CCDC191: variants seen among roughly 807,000 people sequenced by gnomAD.
The protein encoded by CCDC191 is coiled-coil domain containing 191.
CCDC191 carries 99 observed loss-of-function variants against 114.0 expected under a neutral mutation model. That is an observed-to-expected ratio of 0.87 (90% CI 0.74 to 1.03). CCDC191 has a LOEUF of 1.03. Among genes scored for constraint, CCDC191 ranks in the 50% least tolerant of loss-of-function variants. CCDC191 has a pLI of 0.00. For synonymous variants in CCDC191, 351 were observed against 376.0 expected (o/e 0.93, Z 0.77); for missense variants, 973 against 1,087.0 (o/e 0.90, Z 1.47).
At chr3:114,027,601 C>CAAAAAA (rs67548547) in intron 7 of CCDC191, among the ~76,000 whole-genome samples, 5 of 60,108 alleles carry the variant, frequency 8.3e-5, no homozygotes, top group African/African-American at 2.1e-4. Flanking sequence ...GACTCTGTCT[C>CAAAAAA]AAAAAAAAAA....
At chr3:113,991,134 G>A (rs2075546410) in intron 13 of CCDC191, among the ~76,000 whole-genome samples, 1 of 151,326 alleles carries the variant, frequency 6.6e-6, no homozygotes, top group South Asian at 2.1e-4. Context: ...TACTCAGGAG[G>A]CCAAGGCAGG....
intron 9 of CCDC191, among the ~76,000 whole-genome samples, chr3:114,009,849 A>G (rs536405019): frequency 6.6e-6 from 1 of 152,328 alleles, no homozygotes; most frequent in African/African-American, 2.4e-5. Context: ...AAATTCCAGT[A>G]ATACAGGAGC....
intron 8 of CCDC191, 93 bp from the exon 9 acceptor site, chr3:114,011,114 G>A: frequency 7.4e-7 from 1 of 1,352,522 alleles, no homozygotes; most frequent in African/African-American, 1.5e-5. Context: ...AAGGGTTCTA[G>A]AAATGCTCCA....
At chr3:113,974,192 T>A (rs918252553) in intron 16 of CCDC191, among the ~76,000 whole-genome samples, 1 of 152,178 alleles carries the variant, frequency 6.6e-6, no homozygotes, top group African/African-American at 2.4e-5. Context: ...ATCTTGAAGA[T>A]CACTGGGTTT....
At chr3:114,002,002 T>A (rs2075864739) in intron 12 of CCDC191, among the ~76,000 whole-genome samples, 2 of 152,158 alleles carry the variant, frequency 1.3e-5, no homozygotes, top group Admixed American at 1.3e-4. Context: ...AACTCCAAGT[T>A]AGAAACAGTT....
chr3:114,028,486 C>T (rs1054517540), intron 7 of CCDC191, among the ~76,000 whole-genome samples: 6 of 151,756 alleles, frequency 4.0e-5, no homozygotes, highest in African/African-American at 1.2e-4. Flanking sequence ...GGGGTTTCAC[C>T]GTGTTAGCCA....
chr3:113,983,919 T>G (rs2075264175), intron 13 of CCDC191: 1 of 152,124 alleles, frequency 6.6e-6, no homozygotes. Context: ...AGAGGTTAGA[T>G]TATTATTTTC....
chr3:114,017,199 G>C (rs1256196450), intron 8 of CCDC191, among the ~76,000 whole-genome samples: 1 of 149,584 alleles, frequency 6.7e-6, no homozygotes, highest in Non-Finnish European at 1.5e-5. Context: ...CCACATGCTT[G>C]ATAATCTCCA....
At chr3:114,001,475 G>T in intron 13 of CCDC191, 120 bp downstream of exon 13, 1 of 1,341,546 alleles carries the variant, frequency 7.5e-7, no homozygotes, top group Non-Finnish European at 1.0e-6. Context: ...GAGAAAAGAA[G>T]TGAGGGTGAG....
At position 114,005,608 on chromosome 3, in the gene CCDC191, G is replaced by A. The variant is rs772492371; in HGVS notation, c.1768C>T (p.Gln590Ter). The A allele has an allele frequency of 3.7e-6, 6 of 1,614,148 alleles. No individual in the cohort carries two copies. In the South Asian group the frequency reaches 4.4e-5, roughly 12 times the overall value. ...LKKNLQLAEA[Q>*]WAAEHALAVT... ...GCTAAGGCATGCTCTGCTGCCCACT[G>A]AGCCTCTGCCAGCTGCAGGTTTTTC... is the stretch of plus-strand genomic sequence containing the variant. Residue 590 changes from glutamine to a stop codon, truncating the protein, a stop_gained, in exon 10 of 17, where the codon CAG (glutamine) becomes TAG (stop). Transcript: ENST00000295878. LOFTEE classifies it high-confidence loss of function.
intron 16 of CCDC191, among the ~76,000 whole-genome samples, chr3:113,967,679 A>G (rs1002709390): frequency 2.0e-5 from 3 of 152,188 alleles, no homozygotes; most frequent in Non-Finnish European, 2.9e-5. Context: ...TGAAATGCAC[A>G]ATAGGTTATT....
rs2075949680 is a variant in CCDC191, at chr3:114,005,914, C to T, written c.1462G>A (p.Gly488Ser). 6.2e-7 allele frequency: 1 copy of T among 1,613,900 alleles called. No individual in the cohort carries two copies. ...CCCAGGGGAGGACTGAGCATACAAC[C>T]ACTGCTTCCCAAGGGAGGCTTTTCC... Reference protein sequence around the residue: ...LWEKPPLGSSGCMLSPPLGRT... With the variant: ...LWEKPPLGSSSCMLSPPLGRT... Residue 488 changes from glycine to serine, a missense_variant, in exon 10 of 17, where the codon GGT becomes AGT. Gly to Ser is a moderately conservative substitution (Grantham distance 56, BLOSUM62 0). Transcript: ENST00000295878.
chr3:114,034,878 G>T, intron 6 of CCDC191, 47 bp downstream of exon 6: 1 of 1,520,636 alleles, frequency 6.6e-7, no homozygotes, highest in South Asian at 1.2e-5. Flanking sequence ...TTTCTAAAAT[G>T]ACTGCTTAAA....
At chr3:113,977,080 C>T (rs1941417980) in intron 16 of CCDC191, among the ~76,000 whole-genome samples, 1 of 152,060 alleles carries the variant, frequency 6.6e-6, no homozygotes, top group Non-Finnish European at 1.5e-5. Context: ...CATGCACAAA[C>T]ATGCAAATAA....
At chr3:114,007,412 T>C (rs1281987271) in intron 9 of CCDC191, among the ~76,000 whole-genome samples, 3 of 152,222 alleles carry the variant, frequency 2.0e-5, no homozygotes, top group African/African-American at 7.2e-5. Context: ...AGATGTGATA[T>C]ATGGAAACTC....
At chr3:113,998,982 T>C (rs1381269971) in intron 13 of CCDC191, among the ~76,000 whole-genome samples, 3 of 152,144 alleles carry the variant, frequency 2.0e-5, no homozygotes. Flanking sequence ...ACCAGGTGGA[T>C]TGATCGAACA....
chr3:113,995,693 A>G (rs2075700798), intron 13 of CCDC191, among the ~76,000 whole-genome samples: 1 of 152,202 alleles, frequency 6.6e-6, no homozygotes, highest in African/African-American at 2.4e-5. Context: ...ATCCTTGAGG[A>G]ATCACCACTG....
chr3:114,003,619 C>A, intron 11 of CCDC191: 2 of 985,252 alleles, frequency 2.0e-6, no homozygotes, highest in South Asian at 9.4e-5. Context: ...CTTGACCAAA[C>A]AATAATTTTA....
At chr3:114,024,400 T>C (rs1223767972) in intron 7 of CCDC191, among the ~76,000 whole-genome samples, 4 of 152,118 alleles carry the variant, frequency 2.6e-5, no homozygotes, top group African/African-American at 9.7e-5. Flanking sequence ...CACATGCACA[T>C]GTAGGTTTAT....
Sources: allele counts gnomAD v4.1 joint callset (sites outside exome capture counted in the v4.1 genomes callset), GRCh38; gene constraint gnomAD v4.1.1; transcripts MANE v1.5; gene names NCBI Gene and HGNC (gene_info 2026-07-23, HGNC 2026-07-21).